PPDPF: variants seen among roughly 807,000 people sequenced by gnomAD.
The protein encoded by PPDPF is pancreatic progenitor cell differentiation and proliferation factor, also known as exocrine differentiation and proliferation factor.
A neutral mutation model predicts 6.3 loss-of-function variants in PPDPF; 11 were observed. That is an observed-to-expected ratio of 1.76 (90% CI 1.11 to 2.91). The LOEUF (loss-of-function observed/expected upper bound fraction) is 2.91. PPDPF is among the 30% of genes most tolerant of loss of function. The pLI is 0.00. For missense variants in PPDPF, 202 were observed against 159.4 expected, an observed-to-expected ratio of 1.27 and a Z score of -1.44; for synonymous variants, 86 against 64.5, an observed-to-expected ratio of 1.33 and a Z score of -1.60.
At position 63,521,958 on chromosome 20, in the gene PPDPF, G is replaced by T; in HGVS notation, c.*79G>T. The T allele has an allele frequency of 3.2e-6, 3 of 938,378 alleles. No homozygotes were observed. The highest frequency in any genetic ancestry group is 4.4e-6 in the Non-Finnish European group (3 of 677,842). 58.1% of individuals were successfully genotyped at this position (938,378 alleles called of 1,614,324 possible). A position where few individuals can be genotyped will look rare whatever the true frequency, so the allele number is the denominator to read the frequency against. On this transcript the variant is annotated 3_prime_UTR_variant, in exon 4 of 4. Transcript: ENST00000370179. Reference sequence around the variant, plus strand: ...CCCTCCCCGCCCCTCTCCCCACTCCGCATCCCTCGCCCCCCTCCCCACCTC... The same window carrying T: ...CCCTCCCCGCCCCTCTCCCCACTCCTCATCCCTCGCCCCCCTCCCCACCTC...
Position 63,520,777 on chromosome 20 carries a change from C to A in PPDPF, c.-143C>A, listed in dbSNP as rs1053564661. On this transcript the variant is annotated 5_prime_UTR_variant, in exon 1 of 4. Transcript: ENST00000370179. The stretch of plus-strand genomic sequence containing the variant: ...TCCGCGCGTGCGCACCCCGCGCGCG[C>A]CTCTCTGTCGTGGCGCGGCTTCCCG... 1.0e-6 allele frequency: 1 copy of A among 984,506 alleles called. No individual in the cohort carries two copies. Among genetic ancestry groups the A allele is most frequent in the Admixed American group, 6.2e-5 (1 of 16,202 alleles). 61.0% of individuals were successfully genotyped at this position (984,506 alleles called of 1,614,324 possible).
In PPDPF at chr20:63,521,753, G is replaced by A; in HGVS notation, c.219G>A (p.Glu73=). 6.2e-7 allele frequency: 1 copy of A among 1,613,106 alleles called. No individual in the cohort carries two copies. Among genetic ancestry groups the A allele is most frequent in the Non-Finnish European group, 8.5e-7 (1 of 1,179,994 alleles). Residue 73 remains glutamate (E), a synonymous_variant, in exon 4 of 4, where the codon GAG becomes GAA. Coordinates refer to ENST00000370179, the MANE Select transcript of PPDPF (RefSeq NM_024299.4). ...TCCCGTTCATGGCCACGGTGTTGGA[G>A]TCCGCAGAGCACTCGGAACCTCCCC... ...STLPFMATVL[E]SAEHSEPPQA...
Position 63,521,995 on chromosome 20 carries a change from C to A in PPDPF, c.*116C>A. On this transcript the variant is annotated 3_prime_UTR_variant, in exon 4 of 4. Transcript: ENST00000370179. ...CCCCTCCCCACCTCCCACCCCCCACCCTGTAAACTAGGCGGCTGCAGCAAG... is the reference window on the plus strand; with the variant it reads ...CCCCTCCCCACCTCCCACCCCCCACACTGTAAACTAGGCGGCTGCAGCAAG... 1 of 783,898 alleles carries A rather than the reference C, an allele frequency of 1.3e-6. No homozygotes were observed. Among genetic ancestry groups the A allele is most frequent in the Admixed American group, 2.4e-5 (1 of 41,920 alleles). The allele number at this position is 783,898 out of a possible 1,614,324, so 48.6% of individuals were successfully genotyped here.
rs1372689888 is a variant in PPDPF, at chr20:63,521,969, C to T, written c.*90C>T. ...CCTCTCCCCACTCCGCATCCCTCGC[C>T]CCCCTCCCCACCTCCCACCCCCCAC... On this transcript the variant is annotated 3_prime_UTR_variant, in exon 4 of 4. Transcript: ENST00000370179. 1 of 1,008,326 alleles carries T rather than the reference C, an allele frequency of 9.9e-7. No individual in the cohort carries two copies. 62.5% of individuals were successfully genotyped at this position (1,008,326 alleles called of 1,614,324 possible).
rs747440183 is a variant in PPDPF, at chr20:63,521,585, C to T, written c.129C>T (p.Pro43=). 3.1e-6 allele frequency: 5 copies of T among 1,611,522 alleles called. No homozygotes were observed. The highest frequency in any genetic ancestry group is 2.2e-5 in the South Asian group (2 of 90,870). ...GCCCCGGGGAAGCCATTCCCCACCCCCCAGGTGAGTGCAGGATCGCCCCTT... is the reference window on the plus strand; with the variant it reads ...GCCCCGGGGAAGCCATTCCCCACCCTCCAGGTGAGTGCAGGATCGCCCCTT... The part of the protein sequence containing the change: ...TECPGEAIPH[P]PGLPKADPGH... The change falls in exon 3 of 4, where the codon CCC becomes CCT. Residue 43 remains proline (P), a synonymous_variant. Coordinates refer to ENST00000370179, the MANE Select transcript of PPDPF (RefSeq NM_024299.4).
chr20:63,521,729 C>T lies in PPDPF; in HGVS notation c.195C>T (p.Leu65=), dbSNP rs367820531. Residue 65 remains leucine (L), a synonymous_variant, in exon 4 of 4, where the codon CTC becomes CTT. Coordinates refer to ENST00000370179, the MANE Select transcript of PPDPF (RefSeq NM_024299.4). ...GCTTCTTTTTCGGGAAGTCCACCCT[C>T]CCGTTCATGGCCACGGTGTTGGAGT... The part of the protein sequence containing the change: ...WASFFFGKST[L]PFMATVLESA... 6.2e-6 allele frequency: 10 copies of T among 1,613,270 alleles called. No homozygotes were observed. The African/African-American group carries it at 1.3e-4, about 22-fold the overall frequency.
At chr20:63,520,919 G>A in intron 1 of PPDPF, 25 bp downstream of exon 1, 7 of 1,008,026 alleles carry the variant, frequency 6.9e-6, no homozygotes, top group Non-Finnish European at 8.3e-6. Flanking sequence ...GCGCGGGTGG[G>A]ACGAGCAGGC....
chr20:63,521,339 G>C lies in PPDPF; in HGVS notation c.31G>C (p.Val11Leu). 1 of 1,608,444 alleles carries C rather than the reference G, an allele frequency of 6.2e-7. No individual in the cohort carries two copies. The highest frequency in any genetic ancestry group is 1.1e-5 in the South Asian group (1 of 90,642). MAAIPSSGSLVATHDYYRRRL... is the reference protein window; with the variant it reads MAAIPSSGSLLATHDYYRRRL... ...GGCCATCCCCTCCAGCGGCTCGCTCGTGGCCACCCACGACTACTACCGGCG... is the reference window on the plus strand; with the variant it reads ...GGCCATCCCCTCCAGCGGCTCGCTCCTGGCCACCCACGACTACTACCGGCG... Residue 11 changes from valine (V) to leucine (L), a missense_variant, in exon 2 of 4, where the codon GTG (valine) becomes CTG (leucine). Val to Leu is a conservative substitution (Grantham distance 32). Coordinates refer to ENST00000370179, the MANE Select transcript of PPDPF (RefSeq NM_024299.4).
At chr20:63,521,386 C>T (rs1030849483) in intron 2 of PPDPF, 23 bp downstream of exon 2, 1 of 1,605,420 alleles carries the variant, frequency 6.2e-7, no homozygotes, top group East Asian at 2.2e-5. Context: ...TGCCCCCCAT[C>T]CACGCGGATG....
upstream of PPDPF, chr20:63,520,744 T>G: frequency 1.0e-6 from 1 of 975,376 alleles, no homozygotes; most frequent in Non-Finnish European, 1.2e-6. Flanking sequence ...CGCATATAAG[T>G]GGGCGCGTCC....
In PPDPF at chr20:63,521,378, C is replaced by T; in HGVS notation, c.55+15C>T. On this transcript the variant is annotated intron_variant, in intron 2 of 3. Coordinates refer to ENST00000370179, the MANE Select transcript of PPDPF (RefSeq NM_024299.4). Reference sequence around the variant, plus strand: ...CTACTACCGGCGTGAGTAGCCCCTGCCCCCCATCCACGCGGATGCTCTGCT... The same window carrying T: ...CTACTACCGGCGTGAGTAGCCCCTGTCCCCCATCCACGCGGATGCTCTGCT... The T allele has an allele frequency of 1.9e-6, 3 of 1,605,324 alleles. No individual in the cohort carries two copies. Among genetic ancestry groups the T allele is most frequent in the Non-Finnish European group, 2.6e-6 (3 of 1,175,654 alleles).
At position 63,521,887 on chromosome 20, in the gene PPDPF, G is replaced by T. The variant is rs769356807; in HGVS notation, c.*8G>T. On this transcript the variant is annotated 3_prime_UTR_variant, in exon 4 of 4. Transcript: ENST00000370179. ...GCTGGGCCCCCGTCCTGACCTGAGCGGTTACCACCAGCCCCAGGCCTGCGG... is the reference window on the plus strand; with the variant it reads ...GCTGGGCCCCCGTCCTGACCTGAGCTGTTACCACCAGCCCCAGGCCTGCGG... 9.6e-6 allele frequency: 15 copies of T among 1,570,280 alleles called. No individual in the cohort carries two copies. In the African/African-American group the frequency reaches 2.0e-4, roughly 21 times the overall value.
At position 63,520,798 on chromosome 20, in the gene PPDPF, T is replaced by A; in HGVS notation, c.-122T>A. On this transcript the variant is annotated 5_prime_UTR_variant, in exon 1 of 4. Transcript: ENST00000370179. ...CGCGCCTCTCTGTCGTGGCGCGGCTTCCCGCGGTCTTCTCTGCAAATGGGC... is the reference window on the plus strand; with the variant it reads ...CGCGCCTCTCTGTCGTGGCGCGGCTACCCGCGGTCTTCTCTGCAAATGGGC... The A allele has an allele frequency of 1.0e-6, 1 of 984,358 alleles. No homozygotes were observed. The highest frequency in any genetic ancestry group is 1.2e-6 in the Non-Finnish European group (1 of 829,730). The allele number at this position is 984,358 out of a possible 1,614,324, so 61.0% of individuals were successfully genotyped here.
At chr20:63,521,441 CGCTCGGCCTGAAGGCCGGTGGGCTGGGGG>C in intron 2 of PPDPF, 42 bp from the exon 3 acceptor site, 4 of 1,579,024 alleles carry the variant, frequency 2.5e-6, no homozygotes, top group Non-Finnish European at 3.5e-6. Flanking sequence ...GCGGAACCAG[CGCTCGGCCTGAAGGCCGGTGGGCTGGGGG>C]GCTCCGCGCC....
intron 2 of PPDPF, 39 bp downstream of exon 2, chr20:63,521,402 C>T (rs775160435): frequency 3.1e-6 from 5 of 1,600,318 alleles, no homozygotes; most frequent in Non-Finnish European, 4.3e-6. Flanking sequence ...GGATGCTCTG[C>T]TGGCGCCAGT....
Position 63,520,877 on chromosome 20 carries a change from C to T in PPDPF, c.-43C>T. ...ACCCGTGATCGTGCGCCGAGGCCCG[C>T]GAGGGGTCGCCGCCCAGGTGAGGGG... is the stretch of plus-strand genomic sequence containing the variant. On this transcript the variant is annotated 5_prime_UTR_variant, in exon 1 of 4. Transcript: ENST00000370179. The T allele has an allele frequency of 1.0e-6, 1 of 992,518 alleles. No homozygotes were observed. Among genetic ancestry groups the T allele is most frequent in the African/African-American group, 1.7e-5 (1 of 57,520 alleles). The allele number at this position is 992,518 out of a possible 1,614,324, so 61.5% of individuals were successfully genotyped here. A position where few individuals can be genotyped will look rare whatever the true frequency, so the allele number is the denominator to read the frequency against.
chr20:63,520,994 G>A (rs1367259120), intron 1 of PPDPF, 100 bp downstream of exon 1: 1 of 917,770 alleles, frequency 1.1e-6, no homozygotes, highest in Non-Finnish European at 1.4e-6. Flanking sequence ...CCTGGCGAGC[G>A]CTGGGCTCGG....
rs1259594911 is a variant in PPDPF, at chr20:63,520,768, C to CCG, written c.-144_-143dup. The CCG allele has an allele frequency of 2.0e-6, 2 of 984,694 alleles. No homozygotes were observed. Among genetic ancestry groups the CCG allele is most frequent in the African/African-American group, 3.5e-5 (2 of 57,104 alleles). The allele number at this position is 984,694 out of a possible 1,614,324, so 61.0% of individuals were successfully genotyped here. A position where few individuals can be genotyped will look rare whatever the true frequency, so the allele number is the denominator to read the frequency against. ...GTGGGCGCGTCCGCGCGTGCGCACC[C>CCG]CGCGCGCGCCTCTCTGTCGTGGCGC... On this transcript the variant is annotated 5_prime_UTR_variant, in exon 1 of 4. Coordinates refer to ENST00000370179, the MANE Select transcript of PPDPF (RefSeq NM_024299.4).
intron 2 of PPDPF, 44 bp from the exon 3 acceptor site, chr20:63,521,468 G>C (rs752993652): frequency 6.4e-7 from 1 of 1,559,958 alleles, no homozygotes; most frequent in African/African-American, 1.4e-5. Flanking sequence ...GGTGGGCTGG[G>C]GGGCTCCGCG....
Sources: allele counts gnomAD v4.1 joint callset, GRCh38; gene constraint gnomAD v4.1.1; transcripts MANE v1.5; gene names NCBI Gene and HGNC (gene_info 2026-07-23, HGNC 2026-07-21).